The following ZBTB1 variants were observed in gnomAD, a reference collection of about 807,000 sequenced individuals.
ZBTB1 encodes zinc finger and BTB domain-containing protein 1.
Under a neutral mutation model 51.6 loss-of-function variants are expected in ZBTB1, and 13 were observed. The observed-to-expected ratio is 0.25, with a 90% CI of 0.16 to 0.40. ZBTB1 has a LOEUF of 0.40. Ranked by LOEUF, ZBTB1 falls within the 10% of genes least tolerant of loss-of-function variation. The pLI, the probability that ZBTB1 is intolerant of heterozygous loss-of-function variation, is 1.00. For synonymous variants in ZBTB1, 240 were observed against 282.2 expected (o/e 0.85, Z 1.50); for missense variants, 567 against 856.5 (o/e 0.66, Z 4.22).
rs187092857 is a variant in ZBTB1, at chr14:64,531,634, T to C, written c.1899-227T>C. ...GTTATATATTTATATGTCCTGCTGATAGATTAATAAGAACATCTTATATTT... is the reference window on the plus strand; with the variant it reads ...GTTATATATTTATATGTCCTGCTGACAGATTAATAAGAACATCTTATATTT... On this transcript the variant is annotated intron_variant, in intron 2 of 2. Coordinates refer to the ZBTB1 transcript ENST00000358738. Among the ~76,000 whole-genome samples the C allele has an allele frequency of 7.3e-3, 1,115 of 152,296 alleles. 7 individuals carry two copies. Among genetic ancestry groups the C allele is most frequent in the Middle Eastern group, 0.014 (4 of 294 alleles).
chr14:64,531,626 C>A (rs2079942537), intron 2 of ZBTB1, among the ~76,000 whole-genome samples: 2 of 152,062 alleles, frequency 1.3e-5, no homozygotes, highest in Non-Finnish European at 2.9e-5. Context: ...ATTTATATGT[C>A]CTGCTGATAG....
At chr14:64,509,777 C>G (rs1208056379) in intron 1 of ZBTB1, among the ~76,000 whole-genome samples, 2 of 151,698 alleles carry the variant, frequency 1.3e-5, no homozygotes, top group Non-Finnish European at 2.9e-5. Context: ...TGAGACCATC[C>G]TGGCTAACAT....
chr14:64,530,596 G>A (rs1049028723), intron 2 of ZBTB1, among the ~76,000 whole-genome samples: 6 of 148,764 alleles, frequency 4.0e-5, no homozygotes, highest in Non-Finnish European at 7.4e-5. Context: ...GACAGACTCC[G>A]TCTCAAAAAA....
rs8010917 is a variant in ZBTB1 at position 64,511,545 on chromosome 14, T to A, written c.-19+6599T>A. ...CAGCAAAATTCAGGAATTAAAACTT[T>A]ACATCTTATGAGCATTTCCCTAGAT... On this transcript the variant is annotated intron_variant, in intron 1 of 1. Coordinates refer to ENST00000683701, the MANE Select transcript of ZBTB1 (RefSeq NM_001123329.2). 5.0e-3 allele frequency among the ~76,000 whole-genome samples: 739 copies of A among 146,572 alleles called. 6 individuals are homozygous for A. The highest frequency in any genetic ancestry group is 0.017 in the African/African-American group (711 of 41,198).
intron 1 of ZBTB1, among the ~76,000 whole-genome samples, chr14:64,514,909 A>G (rs774435126): frequency 6.6e-6 from 1 of 152,240 alleles, no homozygotes; most frequent in Non-Finnish European, 1.5e-5. Flanking sequence ...ACCCTGATAC[A>G]TTAAAAACCA....
intron 1 of ZBTB1, among the ~76,000 whole-genome samples, chr14:64,513,499 C>T (rs2079748347): frequency 6.6e-6 from 1 of 152,144 alleles, no homozygotes; most frequent in African/African-American, 2.4e-5. Context: ...ACATACACAT[C>T]TATATAAATA....
downstream of ZBTB1, among the ~76,000 whole-genome samples, chr14:64,525,753 C>T (rs1417695458): frequency 6.6e-6 from 1 of 152,134 alleles, no homozygotes; most frequent in East Asian, 1.9e-4. Context: ...AAACTTTACT[C>T]TCTAATTTTA....
rs2079874491 is a variant in ZBTB1 at position 64,522,909 on chromosome 14, C to T, written c.1405C>T (p.Arg469Ter). ...TAGGCAGCTTCAGGAACATGCTCAACGATGTGGCGAGCCCCAAGATCTGAC... is the reference window on the plus strand; with the variant it reads ...TAGGCAGCTTCAGGAACATGCTCAATGATGTGGCGAGCCCCAAGATCTGAC... The part of the protein sequence containing the change: ...KGRQLQEHAQ[R>*]CGEPQDLTMN... The change falls in exon 2 of 2, where the codon CGA (arginine) becomes TGA (stop). Residue 469 changes from arginine to a stop codon, truncating the protein, a stop_gained. Transcript: ENST00000683701. LOFTEE classifies it high-confidence loss of function. The T allele has an allele frequency of 1.2e-6, 2 of 1,613,948 alleles. No individual in the cohort carries two copies. The highest frequency in any genetic ancestry group is 8.5e-7 in the Non-Finnish European group (1 of 1,180,014).
rs2079890273 is a variant in ZBTB1, at chr14:64,524,686, C to A, written c.*1040C>A. 1.0e-6 allele frequency: 1 copy of A among 984,850 alleles called. No homozygotes were observed. Among genetic ancestry groups the A allele is most frequent in the Non-Finnish European group, 1.2e-6 (1 of 829,566 alleles). 61.0% of individuals were successfully genotyped at this position (984,850 alleles called of 1,614,324 possible). On this transcript the variant is annotated 3_prime_UTR_variant, in exon 2 of 2. Coordinates refer to ENST00000683701, the MANE Select transcript of ZBTB1 (RefSeq NM_001123329.2). The stretch of plus-strand genomic sequence containing the variant: ...AAAAGTAGAGTGCACAAAAAAATGT[C>A]TTGTGTTTTATACTGTCTAAGATTT...
rs748667481 is a variant in ZBTB1 at position 64,522,235 on chromosome 14, A to G, written c.731A>G (p.Tyr244Cys). ...HVLTCTNRHL[Y>C]QNTRSYHRIV... ...CTAACCTGTACTAACAGACATTTAT[A>G]CCAAAACACAAGATCTTACCATAGA... Residue 244 changes from tyrosine to cysteine, a missense_variant, in exon 2 of 2, where the codon TAC (tyrosine) becomes TGC (cysteine). By Grantham distance (194) the Tyr-to-Cys change is radical. This residue lies in a region of ZBTB1 where 329 missense variants were observed against 406.3 expected (regional missense o/e 0.81). Transcript: ENST00000683701. 3.1e-6 allele frequency: 5 copies of G among 1,614,238 alleles called. No homozygotes were observed. The highest frequency in any genetic ancestry group is 4.2e-6 in the Non-Finnish European group (5 of 1,180,040).
rs780786177 is a variant in ZBTB1 at position 64,522,680 on chromosome 14, G to C, written c.1176G>C (p.Met392Ile). The change falls in exon 2 of 2, where the codon ATG (methionine) becomes ATC (isoleucine). Residue 392 changes from methionine (M) to isoleucine (I), a missense_variant. This residue lies in a region of ZBTB1 where 329 missense variants were observed against 406.3 expected (regional missense o/e 0.81). Coordinates refer to ENST00000683701, the MANE Select transcript of ZBTB1 (RefSeq NM_001123329.2). ...KSGRKTLKPR[M>I]SVSADERGGL... ...GTAGGAAAACTCTAAAACCTCGAAT[G>C]TCAGTAAGTGCTGATGAAAGAGGTG... 1.2e-6 allele frequency: 2 copies of C among 1,614,070 alleles called. No individual in the cohort carries two copies. The highest frequency in any genetic ancestry group is 4.5e-5 in the East Asian group (2 of 44,904).
chr14:64,532,557 T>C (rs1020263988), exon 3 of ZBTB1: 11 of 152,134 alleles, frequency 7.2e-5, no homozygotes, highest in African/African-American at 2.7e-4. Context: ...AAACTCCCTT[T>C]TAAACCTGTT....
At chr14:64,507,688 C>G (rs138026420) in intron 1 of ZBTB1, among the ~76,000 whole-genome samples, 1 of 152,258 alleles carries the variant, frequency 6.6e-6, no homozygotes, top group African/African-American at 2.4e-5. Context: ...ATTAACTGGG[C>G]TGCTATTTTA....
chr14:64,517,870 C>G (rs2079811775), intron 1 of ZBTB1, among the ~76,000 whole-genome samples: 1 of 147,476 alleles, frequency 6.8e-6, no homozygotes, highest in African/African-American at 2.5e-5. Flanking sequence ...TGCAACCTCC[C>G]TCAGCCAGGC....
chr14:64,532,677 GT>G (rs1316144686), exon 3 of ZBTB1: 1 of 152,006 alleles, frequency 6.6e-6, no homozygotes, highest in Non-Finnish European at 1.5e-5. Context: ...GGCAGAATAA[GT>G]TTCTGTTAAA....
intron 1 of ZBTB1, 56 bp from the exon 2 acceptor site, chr14:64,521,431 T>G: frequency 7.1e-7 from 1 of 1,412,948 alleles, no homozygotes; most frequent in East Asian, 2.3e-5. Context: ...TAAAAGTTAA[T>G]TTTGTCAAGT....
chr14:64,503,839 G>A, upstream of ZBTB1: 1 of 154,964 alleles, frequency 6.5e-6, no homozygotes. Flanking sequence ...GGGGAAAGAG[G>A]GGCGCCAGGG....
At chr14:64,512,982 T>C (rs1342234809) in intron 1 of ZBTB1, among the ~76,000 whole-genome samples, 5 of 152,200 alleles carry the variant, frequency 3.3e-5, no homozygotes, top group South Asian at 2.1e-4. Flanking sequence ...CTTTGTGATA[T>C]TACAAAGGTT....
intron 1 of ZBTB1, among the ~76,000 whole-genome samples, chr14:64,519,029 C>T (rs1243230469): frequency 1.3e-5 from 2 of 149,270 alleles, no homozygotes; most frequent in Admixed American, 1.3e-4. Flanking sequence ...TGTACATGTG[C>T]ATCTCAACAA....
Sources: allele counts gnomAD v4.1 joint callset (sites outside exome capture counted in the v4.1 genomes callset), GRCh38; gene constraint gnomAD v4.1.1; regional missense constraint gnomAD v4.1.1; transcripts MANE v1.5; gene names NCBI Gene and HGNC (gene_info 2026-07-23, HGNC 2026-07-21).